Variants in PCDHA1 observed in about 807,000 individuals in gnomAD.
PCDHA1 encodes protocadherin alpha 1.
PCDHA1 carries 42 observed loss-of-function variants against 61.3 expected under a neutral mutation model. The ratio of observed to expected loss-of-function variants is 0.69; its 90% CI spans 0.54 to 0.89. PCDHA1 has a LOEUF of 0.89. Among genes scored for constraint, PCDHA1 ranks in the 40% least tolerant of loss-of-function variants. The pLI is 0.00. For missense variants in PCDHA1, 1,256 were observed against 1,235.3 expected, an observed-to-expected ratio of 1.02 and a Z score of -0.25; for synonymous variants, 610 against 553.8, an observed-to-expected ratio of 1.10 and a Z score of -1.43.
chr5:140,841,732 C>G, intron 1 of PCDHA1: 7 of 1,613,858 alleles, frequency 4.3e-6, no homozygotes, highest in Non-Finnish European at 5.9e-6. Flanking sequence ...GGGTAAAAGA[C>G]CAAAAGCTGT....
In PCDHA1 at chr5:140,858,048, C is replaced by G. The variant is rs1203574330; in HGVS notation, c.2394+69364C>G. 9.4e-6 allele frequency: 15 copies of G among 1,597,302 alleles called. 2 individuals carry two copies. Among genetic ancestry groups the G allele is most frequent in the Non-Finnish European group, 1.2e-5 (14 of 1,167,436 alleles). On this transcript the variant is annotated intron_variant, in intron 1 of 3. Transcript: ENST00000504120. ...ACGGCCACGGCCACTGTGCTTGTGT[C>G]GCTTGTGGAGGGCAGCCAGGCACCC...
At chr5:140,982,348 T>A (rs1253085859) in intron 2 of PCDHA1, 127 bp from the exon 3 acceptor site, 1 of 1,496,080 alleles carries the variant, frequency 6.7e-7, no homozygotes, top group East Asian at 2.4e-5. Flanking sequence ...TTGCTTCAGT[T>A]CAAGCATGAG....
intron 1 of PCDHA1, chr5:140,848,676 C>T: frequency 6.3e-7 from 1 of 1,592,292 alleles, no homozygotes; most frequent in South Asian, 1.1e-5. Flanking sequence ...GGAGCTGGTG[C>T]CGCGCCTGTT....
Position 140,837,042 on chromosome 5 carries a change from A to G in PCDHA1, c.2394+48358A>G, listed in dbSNP as rs188335781. 9.1e-5 allele frequency: 19 copies of G among 209,806 alleles called. No homozygotes were observed. In the Admixed American group the frequency reaches 9.5e-4, roughly 10 times the overall value. 13.0% of individuals were successfully genotyped at this position (209,806 alleles called of 1,614,324 possible). ...CTTCTATAGTGTATTTACAAAATCA[A>G]ATATTTACATTTCCATATTTTGATA... On this transcript the variant is annotated intron_variant, in intron 1 of 3. Coordinates refer to ENST00000504120, the MANE Select transcript of PCDHA1 (RefSeq NM_018900.4).
At chr5:140,973,263 A>G (rs1458697392) in intron 1 of PCDHA1, among the ~76,000 whole-genome samples, 1 of 152,136 alleles carries the variant, frequency 6.6e-6, no homozygotes, top group Admixed American at 6.5e-5. Flanking sequence ...AGTGGCACCT[A>G]CTTTTATTTC....
chr5:140,906,644 T>C (rs1167181721), intron 1 of PCDHA1, among the ~76,000 whole-genome samples: 3 of 152,232 alleles, frequency 2.0e-5, no homozygotes, highest in Admixed American at 6.5e-5. Flanking sequence ...CAGCAGGTAG[T>C]GGTTTTTTCC....
intron 3 of PCDHA1, among the ~76,000 whole-genome samples, chr5:141,000,412 TATATA>T (rs2097919858): frequency 7.8e-5 from 8 of 102,770 alleles, no homozygotes; most frequent in African/African-American, 2.3e-4. Flanking sequence ...TATATATATA[TATATA>T]TATATTTTTT....
At chr5:140,802,913 C>A (rs782356178) in intron 1 of PCDHA1, 3 of 1,613,782 alleles carry the variant, frequency 1.9e-6, no homozygotes, top group Middle Eastern at 1.7e-4. Context: ...GGGTGGGTGG[C>A]ATCGGTGGCG....
rs782163946 is a variant in PCDHA1, at chr5:140,788,010, A to G, written c.1720A>G (p.Ile574Val). ...ALLAPRVGGT[I>V]GAVSELVPRL... ...GCTGGCGCCTCGAGTGGGTGGCACTATTGGTGCAGTCAGTGAGCTGGTGCC... is the reference window on the plus strand; with the variant it reads ...GCTGGCGCCTCGAGTGGGTGGCACTGTTGGTGCAGTCAGTGAGCTGGTGCC... Residue 574 changes from isoleucine to valine, a missense_variant, in exon 1 of 4, where the codon ATT (isoleucine) becomes GTT (valine). Physicochemically the swap from Ile to Val is conservative, Grantham distance 29. Coordinates refer to ENST00000504120, the MANE Select transcript of PCDHA1 (RefSeq NM_018900.4). 1.9e-6 allele frequency: 3 copies of G among 1,613,950 alleles called. No homozygotes were observed. Among genetic ancestry groups the G allele is most frequent in the South Asian group, 1.1e-5 (1 of 91,078 alleles).
chr5:140,830,083 G>A (rs141570762), intron 1 of PCDHA1: 64 of 1,613,578 alleles, frequency 4.0e-5, no homozygotes, highest in Non-Finnish European at 5.1e-5. Flanking sequence ...CGACGGCCAC[G>A]GTTCTGGTGT....
intron 1 of PCDHA1, chr5:140,858,448 C>A (rs1554151646): frequency 3.3e-6 from 5 of 1,532,196 alleles, no homozygotes; most frequent in African/African-American, 1.4e-5. Context: ...TGGGTTATTA[C>A]GTTTTCATTT....
intron 1 of PCDHA1, among the ~76,000 whole-genome samples, chr5:140,942,450 C>A (rs1017198131): frequency 6.6e-6 from 1 of 151,378 alleles, no homozygotes; most frequent in African/African-American, 2.4e-5. Flanking sequence ...AGTAAACTAT[C>A]AATTATAATA....
chr5:141,006,921 A>G (rs1229765479), intron 3 of PCDHA1, among the ~76,000 whole-genome samples: 1 of 152,176 alleles, frequency 6.6e-6, no homozygotes, highest in Non-Finnish European at 1.5e-5. Context: ...TGCCCATGAG[A>G]TTTCCAACTG....
chr5:140,813,507 A>T (rs2126647034), intron 1 of PCDHA1: 1 of 152,320 alleles, frequency 6.6e-6, no homozygotes, highest in African/African-American at 2.4e-5. Flanking sequence ...TACAGTAAAA[A>T]CATTGTACAG....
chr5:140,857,458 C>A (rs782648266), intron 1 of PCDHA1: 1 of 1,598,670 alleles, frequency 6.3e-7, no homozygotes, highest in South Asian at 1.1e-5. Flanking sequence ...ACCCGCCAGG[C>A]TGCCACATCT....
intron 1 of PCDHA1, chr5:140,869,054 T>C: frequency 6.5e-7 from 1 of 1,545,104 alleles, no homozygotes; most frequent in African/African-American, 1.4e-5. Context: ...CTGAAGAATC[T>C]GGTACTGTAA....
chr5:140,874,557 G>T (rs782715249), intron 1 of PCDHA1, among the ~76,000 whole-genome samples: 3 of 152,146 alleles, frequency 2.0e-5, no homozygotes, highest in African/African-American at 7.2e-5. Flanking sequence ...GAGATCTTTC[G>T]CATTTTAGTG....
At chr5:140,849,600 A>G (rs2040983382) in intron 1 of PCDHA1, 1 of 1,598,580 alleles carries the variant, frequency 6.3e-7, no homozygotes, top group Non-Finnish European at 8.6e-7. Context: ...GGGGACAGTT[A>G]TTGCCCTGAT....
chr5:140,974,116 G>T (rs2096616118), intron 1 of PCDHA1, among the ~76,000 whole-genome samples: 1 of 152,192 alleles, frequency 6.6e-6, no homozygotes. Context: ...TTCTTTTGCA[G>T]TGTTTTAAAT....
Sources: allele counts gnomAD v4.1 joint callset (sites outside exome capture counted in the v4.1 genomes callset), GRCh38; gene constraint gnomAD v4.1.1; transcripts MANE v1.5; gene names NCBI Gene and HGNC (gene_info 2026-07-23, HGNC 2026-07-21).